SNX18: variants seen among roughly 807,000 people sequenced by gnomAD.
SNX18 encodes sorting nexin 18, also known as sorting nexin-18.
Under a neutral mutation model 48.7 loss-of-function variants are expected in SNX18, and 35 were observed. That is an observed-to-expected ratio of 0.72 (90% CI 0.55 to 0.95). The LOEUF (loss-of-function observed/expected upper bound fraction) is 0.95. Ranked by LOEUF, SNX18 falls within the 40% of genes least tolerant of loss-of-function variation. SNX18 has a pLI of 0.00. For synonymous variants in SNX18, 492 were observed against 384.7 expected (o/e 1.28, Z -3.26); for missense variants, 824 against 871.0 (o/e 0.95, Z 0.68).
chr5:54,582,973 C>T, the SNX18 span, among the ~76,000 whole-genome samples: 4 of 152,164 alleles, frequency 2.6e-5, no homozygotes, highest in African/African-American at 4.8e-5. Flanking sequence ...TTCCCTGAGT[C>T]AGTATAGCCC....
chr5:54,532,523 T>G (rs1170961061), intron 1 of SNX18, among the ~76,000 whole-genome samples: 8 of 152,166 alleles, frequency 5.3e-5, no homozygotes, highest in Non-Finnish European at 1.2e-4. Flanking sequence ...TTTATTAAGA[T>G]TCTGTGGGTA....
At chr5:54,599,545 C>G in the SNX18 span, among the ~76,000 whole-genome samples, 1 of 152,034 alleles carries the variant, frequency 6.6e-6, no homozygotes, top group African/African-American at 2.4e-5. Context: ...AGAAAAAGAA[C>G]AAAGCTGGAG....
chr5:54,554,945 T>G, the SNX18 span, among the ~76,000 whole-genome samples: 16 of 152,182 alleles, frequency 1.1e-4, no homozygotes, highest in Non-Finnish European at 1.8e-4. Flanking sequence ...ATCGTCAAGG[T>G]AGGAAAACTG....
At chr5:54,617,536 T>C in the SNX18 span, among the ~76,000 whole-genome samples, 29 of 152,120 alleles carry the variant, frequency 1.9e-4, no homozygotes, top group African/African-American at 7.0e-4. Flanking sequence ...AACAGAGAAT[T>C]GAAATAGACT....
rs1230803374 is a variant in SNX18 at position 54,544,634 on chromosome 5, A to AC, written c.*1202_*1203insC. 2 of 45,164 alleles carry AC rather than the reference A, an allele frequency of 4.4e-5. No homozygotes were observed. Among genetic ancestry groups the AC allele is most frequent in the Non-Finnish European group, 1.0e-4 (2 of 19,592 alleles). The allele number at this position is 45,164 out of a possible 1,614,324, so 2.8% of individuals were successfully genotyped here. On this transcript the variant is annotated 3_prime_UTR_variant, in exon 2 of 2. Coordinates refer to ENST00000381410, the MANE Select transcript of SNX18 (RefSeq NM_001102575.2). ...TTTAAAAAAAAAAAAGGTATTGATG[A>AC]GCCCCCCCCCCCCAGGACATTTAAC...
chr5:54,594,905 T>C, the SNX18 span, among the ~76,000 whole-genome samples: 1 of 152,202 alleles, frequency 6.6e-6, no homozygotes. Context: ...AGCTCCGTCT[T>C]ATAAATGAGC....
the SNX18 span, among the ~76,000 whole-genome samples, chr5:54,639,583 A>G: frequency 6.2e-5 from 9 of 145,294 alleles, no homozygotes; most frequent in South Asian, 1.8e-3. Context: ...GCTAGGAGGT[A>G]AGGACTATTT....
At chr5:54,520,741 TC>T (rs1245785688) in intron 1 of SNX18, 2 of 167,140 alleles carry the variant, frequency 1.2e-5, no homozygotes, top group Admixed American at 1.3e-4. Context: ...CTCGCTTCCT[TC>T]CTCTCTGCTT....
the SNX18 span, among the ~76,000 whole-genome samples, chr5:54,602,285 T>C: frequency 6.6e-6 from 1 of 152,072 alleles, no homozygotes; most frequent in African/African-American, 2.4e-5. Context: ...AGCAGCTGGG[T>C]AGAGGCAGCT....
At chr5:54,595,349 C>G in the SNX18 span, among the ~76,000 whole-genome samples, 1 of 152,170 alleles carries the variant, frequency 6.6e-6, no homozygotes, top group African/African-American at 2.4e-5. Flanking sequence ...GATTCTCCTG[C>G]CTCAGCCTCC....
At chr5:54,633,742 T>C in the SNX18 span, among the ~76,000 whole-genome samples, 1 of 152,240 alleles carries the variant, frequency 6.6e-6, no homozygotes, top group Non-Finnish European at 1.5e-5. Context: ...TTTTGGAAGA[T>C]CTTCCAGCTT....
At position 54,518,201 on chromosome 5, in the gene SNX18, CG is replaced by C. The variant is rs1232903540; in HGVS notation, c.254del (p.Gly85AlafsTer141). The part of the protein sequence containing the change: ...APARYANVPP[G>X]GFEPLPVAPP... ...CGGCCCGCTACGCCAATGTGCCCCC[CG>C]GGGGCTTCGAGCCCCTGCCTGTCGC... On this transcript the variant is annotated frameshift_variant, in exon 1 of 2. Coordinates refer to ENST00000381410, the MANE Select transcript of SNX18 (RefSeq NM_001102575.2). LOFTEE classifies it high-confidence loss of function. The C allele has an allele frequency of 3.6e-6, 5 of 1,397,042 alleles. No homozygotes were observed. The highest frequency in any genetic ancestry group is 3.7e-6 in the Non-Finnish European group (4 of 1,085,496). The allele number at this position is 1,397,042 out of a possible 1,614,324, so 86.5% of individuals were successfully genotyped here. A position where few individuals can be genotyped will look rare whatever the true frequency, so the allele number is the denominator to read the frequency against.
chr5:54,548,912 A>G (rs569743711), downstream of SNX18, among the ~76,000 whole-genome samples: 1 of 152,334 alleles, frequency 6.6e-6, no homozygotes, highest in African/African-American at 2.4e-5. Flanking sequence ...GAATGGCATA[A>G]TATTTTCATA....
chr5:54,591,388 G>A, the SNX18 span, among the ~76,000 whole-genome samples: 1 of 152,242 alleles, frequency 6.6e-6, no homozygotes, highest in African/African-American at 2.4e-5. Flanking sequence ...ATGGGGTCTT[G>A]CTATATTGCC....
chr5:54,557,864 G>A, the SNX18 span, among the ~76,000 whole-genome samples: 109,224 of 151,994 alleles, frequency 0.72, 39,909 homozygotes, highest in Non-Finnish European at 0.79. Flanking sequence ...TGTGTTGGAC[G>A]CTCCCATGTA....
rs1251364645 is a variant in SNX18, at chr5:54,523,487, CT to C, written c.1621+3915del. On this transcript the variant is annotated intron_variant, in intron 1 of 1. Transcript: ENST00000381410. ...AGGAATTTGGACTAAATAAAAATGG[CT>C]AGAGGGAGTTCCTTTAAGTGAAATG... Among the ~76,000 whole-genome samples the C allele has an allele frequency of 3.9e-3, 595 of 152,214 alleles. 2 individuals are homozygous for C. The highest frequency in any genetic ancestry group is 0.014 in the African/African-American group (571 of 41,530).
At chr5:54,608,100 T>C in the SNX18 span, among the ~76,000 whole-genome samples, 1 of 152,214 alleles carries the variant, frequency 6.6e-6, no homozygotes, top group Non-Finnish European at 1.5e-5. Flanking sequence ...GCCAAACTAT[T>C]TTCCAGAGTA....
chr5:54,607,756 A>T, the SNX18 span, among the ~76,000 whole-genome samples: 10 of 152,098 alleles, frequency 6.6e-5, no homozygotes, highest in Non-Finnish European at 1.2e-4. Flanking sequence ...AACATAGCAA[A>T]GCCCCATCTC....
chr5:54,642,217 A>C, the SNX18 span, among the ~76,000 whole-genome samples: 1 of 152,220 alleles, frequency 6.6e-6, no homozygotes, highest in African/African-American at 2.4e-5. Context: ...ATCTTTAACA[A>C]AACATAATTA....
Sources: allele counts gnomAD v4.1 joint callset (sites outside exome capture counted in the v4.1 genomes callset), GRCh38; gene constraint gnomAD v4.1.1; transcripts MANE v1.5; gene names NCBI Gene and HGNC (gene_info 2026-07-23, HGNC 2026-07-21).